The following KIRREL3 variants were observed in gnomAD, a reference collection of about 807,000 sequenced individuals.
KIRREL3 encodes kirre like nephrin family adhesion molecule 3.
In KIRREL3, 36 loss-of-function variants were observed where a neutral mutation model predicts 89.7. The ratio of observed to expected loss-of-function variants is 0.40; its 90% CI spans 0.31 to 0.53. KIRREL3 has a LOEUF of 0.53. Among genes scored for constraint, KIRREL3 ranks in the 20% least tolerant of loss-of-function variants. The pLI, the probability that KIRREL3 is intolerant of heterozygous loss-of-function variation, is 0.49. For missense variants in KIRREL3, 864 were observed against 1,056.6 expected, an observed-to-expected ratio of 0.82 and a Z score of 2.53; for synonymous variants, 445 against 441.4, an observed-to-expected ratio of 1.01 and a Z score of -0.10.
intron 1 of KIRREL3, among the ~76,000 whole-genome samples, chr11:126,927,578 T>C (rs1019874261): frequency 6.6e-6 from 1 of 152,212 alleles, no homozygotes; most frequent in Non-Finnish European, 1.5e-5. Context: ...TTACAGAAAA[T>C]GCGGACATTA....
chr11:126,697,952 G>A lies in KIRREL3; in HGVS notation c.56-135040C>T, dbSNP rs1367186990. ...CCAGGGAGGCTCAGAGACTGAGCAA[G>A]TGCCAAGAAGGGAAGATGACAACGC... is the stretch of plus-strand genomic sequence containing the variant. On this transcript the variant is annotated intron_variant, in intron 1 of 16. Coordinates refer to ENST00000525144, the MANE Select transcript of KIRREL3 (RefSeq NM_032531.4). The surrounding 1 kb of genome is among the most constrained non-coding windows in gnomAD (Gnocchi z 4.2). 6.6e-6 allele frequency among the ~76,000 whole-genome samples: 1 copy of A among 152,220 alleles called. No homozygotes were observed. Among genetic ancestry groups the A allele is most frequent in the Non-Finnish European group, 1.5e-5 (1 of 68,042 alleles).
chr11:126,804,545 G>T (rs575826600), intron 1 of KIRREL3, among the ~76,000 whole-genome samples: 1 of 152,136 alleles, frequency 6.6e-6, no homozygotes, highest in African/African-American at 2.4e-5. Flanking sequence ...TGAGTCCTCC[G>T]CTGAACTTCA....
chr11:126,649,721 T>TACA (rs1944834562), intron 1 of KIRREL3, among the ~76,000 whole-genome samples: 1 of 152,204 alleles, frequency 6.6e-6, no homozygotes, highest in African/African-American at 2.4e-5. Context: ...ATTGAGTGTC[T>TACA]GCGGCTCTTC....
At position 126,805,385 on chromosome 11, in the gene KIRREL3, C is replaced by T. The variant is rs890778409; in HGVS notation, c.55+195070G>A. Among the ~76,000 whole-genome samples, 8 of 152,132 alleles carry T rather than the reference C, an allele frequency of 5.3e-5. No homozygotes were observed. Among genetic ancestry groups the T allele is most frequent in the Non-Finnish European group, 1.0e-4 (7 of 68,016 alleles). ...ATACTGGGTGGAGGAGATTTAATTA[C>T]TCAGATGCTCTTATGCTCCTCAAAG... On this transcript the variant is annotated intron_variant, in intron 1 of 16. Transcript: ENST00000525144. The surrounding 1 kb of genome is among the most constrained non-coding windows in gnomAD (Gnocchi z 4.3).
chr11:126,984,229 A>G (rs1301226307), intron 1 of KIRREL3, among the ~76,000 whole-genome samples: 3 of 152,210 alleles, frequency 2.0e-5, no homozygotes, highest in African/African-American at 4.8e-5. Flanking sequence ...ACAAAAAGGT[A>G]TTCTCTCTGG....
Position 126,834,025 on chromosome 11 carries a change from T to C in KIRREL3, c.55+166430A>G, listed in dbSNP as rs577812521. Among the ~76,000 whole-genome samples the C allele has an allele frequency of 9.0e-4, 137 of 152,344 alleles. 2 individuals carry two copies. The highest frequency in any genetic ancestry group is 3.0e-3 in the African/African-American group (125 of 41,576). ...AAATGCATTGACCCAAATGTACCAG[T>C]GCTTGGGAGAAAGTTTGTCTTCTAT... On this transcript the variant is annotated intron_variant, in intron 1 of 16. Coordinates refer to ENST00000525144, the MANE Select transcript of KIRREL3 (RefSeq NM_032531.4).
chr11:126,759,189 G>A (rs1949596055), intron 1 of KIRREL3, among the ~76,000 whole-genome samples: 1 of 152,160 alleles, frequency 6.6e-6, no homozygotes, highest in Non-Finnish European at 1.5e-5. Context: ...GCGGCTCATG[G>A]TGCGATCTCG....
At chr11:126,887,786 T>C (rs1235415778) in intron 1 of KIRREL3, among the ~76,000 whole-genome samples, 2 of 152,244 alleles carry the variant, frequency 1.3e-5, no homozygotes, top group Non-Finnish European at 2.9e-5. Flanking sequence ...CCAATGTAAG[T>C]ATTACTTTTC....
intron 1 of KIRREL3, among the ~76,000 whole-genome samples, chr11:126,702,356 A>G (rs776683266): frequency 2.6e-5 from 4 of 152,214 alleles, no homozygotes; most frequent in African/African-American, 9.7e-5. Flanking sequence ...CCACAAATCT[A>G]TGACATCATG....
rs562219486 is a variant in KIRREL3, at chr11:126,800,434, G to T, written c.55+200021C>A. On this transcript the variant is annotated intron_variant, in intron 1 of 16. Coordinates refer to ENST00000525144, the MANE Select transcript of KIRREL3 (RefSeq NM_032531.4). ...CTTGAAGACTGGAGGCTACAGAAAC[G>T]GTCTCATTAGGGCATTAGCATAAGT... Among the ~76,000 whole-genome samples the T allele has an allele frequency of 2.4e-4, 37 of 152,240 alleles. 1 individual carries two copies. In the South Asian group the frequency reaches 7.0e-3, roughly 29 times the overall value.
Position 126,812,789 on chromosome 11 carries a change from A to G in KIRREL3, c.55+187666T>C, listed in dbSNP as rs1261195288. 3.9e-5 allele frequency among the ~76,000 whole-genome samples: 6 copies of G among 152,204 alleles called. No homozygotes were observed. Among genetic ancestry groups the G allele is most frequent in the African/African-American group, 9.7e-5 (4 of 41,450 alleles). ...CAATGCATTTCAATCAACTTCTACA[A>G]TGATCCAATTTCTGGGTCTGGCTCT... On this transcript the variant is annotated intron_variant, in intron 1 of 16. Transcript: ENST00000525144. The surrounding 1 kb of genome is among the most constrained non-coding windows in gnomAD (Gnocchi z 5.2).
At chr11:126,672,369 A>G (rs1425202234) in intron 1 of KIRREL3, among the ~76,000 whole-genome samples, 3 of 152,212 alleles carry the variant, frequency 2.0e-5, no homozygotes, top group Non-Finnish European at 4.4e-5. Flanking sequence ...AAGTTGTTAT[A>G]AATCCATATA....
In KIRREL3 at chr11:126,441,561, C is replaced by T. The variant is rs1243090981; in HGVS notation, c.1253-1012G>A. Among the ~76,000 whole-genome samples, 1 of 152,196 alleles carries T rather than the reference C, an allele frequency of 6.6e-6. No homozygotes were observed. Among genetic ancestry groups the T allele is most frequent in the East Asian group, 1.9e-4 (1 of 5,200 alleles). ...ATGCTCCCTTTCCAATCCCTGGGGT[C>T]ACAGTTGGGACTTAGATGGCAGATA... On this transcript the variant is annotated intron_variant, in intron 10 of 16. Coordinates refer to ENST00000525144, the MANE Select transcript of KIRREL3 (RefSeq NM_032531.4). This position sits in a 1 kb window ranked among gnomAD's most constrained non-coding sequence, Gnocchi z 5.0.
chr11:126,584,203 A>C (rs1461146643), intron 1 of KIRREL3, among the ~76,000 whole-genome samples: 1 of 152,264 alleles, frequency 6.6e-6, no homozygotes, highest in East Asian at 1.9e-4. Flanking sequence ...TTGAGAAGGA[A>C]AACAGACATC....
intron 13 of KIRREL3, among the ~76,000 whole-genome samples, chr11:126,434,565 G>A (rs1169649539): frequency 1.3e-5 from 2 of 152,244 alleles, no homozygotes; most frequent in African/African-American, 2.4e-5. Context: ...TGTGGCAGGA[G>A]GCCTGGGATG....
chr11:126,669,194 T>A lies in KIRREL3; in HGVS notation c.56-106282A>T, dbSNP rs767611190. ...TTCATCTTGTTTGTTATGGCAAGAA[T>A]TCCCTTTAGTGACTAGTGTTGGGAG... On this transcript the variant is annotated intron_variant, in intron 1 of 16. Transcript: ENST00000525144. The surrounding 1 kb of genome is among the most constrained non-coding windows in gnomAD (Gnocchi z 5.0). Among the ~76,000 whole-genome samples the A allele has an allele frequency of 1.3e-5, 2 of 152,206 alleles. No homozygotes were observed. Among genetic ancestry groups the A allele is most frequent in the Non-Finnish European group, 2.9e-5 (2 of 68,040 alleles).
intron 1 of KIRREL3, among the ~76,000 whole-genome samples, chr11:126,637,104 C>T (rs942486099): frequency 1.3e-5 from 2 of 152,166 alleles, no homozygotes; most frequent in Non-Finnish European, 2.9e-5. Flanking sequence ...CAGCCCCTCC[C>T]TACTCCCCTA....
At position 126,985,207 on chromosome 11, in the gene KIRREL3, A is replaced by C. The variant is rs548632713; in HGVS notation, c.55+15248T>G. On this transcript the variant is annotated intron_variant, in intron 1 of 16. Coordinates refer to ENST00000525144, the MANE Select transcript of KIRREL3 (RefSeq NM_032531.4). This position sits in a 1 kb window ranked among gnomAD's most constrained non-coding sequence, Gnocchi z 5.3. ...TGATGAAACACTTTCATGGGTTTGCAAGTGAAATGCTGGGCACGGAAAGGT... is the reference window on the plus strand; with the variant it reads ...TGATGAAACACTTTCATGGGTTTGCCAGTGAAATGCTGGGCACGGAAAGGT... Among the ~76,000 whole-genome samples the C allele has an allele frequency of 5.9e-5, 9 of 152,328 alleles. No homozygotes were observed. The South Asian group carries it at 1.7e-3, about 28-fold the overall frequency.
At position 126,664,913 on chromosome 11, in the gene KIRREL3, C is replaced by T. The variant is rs139258698; in HGVS notation, c.56-102001G>A. Among the ~76,000 whole-genome samples the T allele has an allele frequency of 3.3e-5, 5 of 152,272 alleles. No individual in the cohort carries two copies. The highest frequency in any genetic ancestry group is 9.6e-5 in the African/African-American group (4 of 41,542). On this transcript the variant is annotated intron_variant, in intron 1 of 16. Coordinates refer to ENST00000525144, the MANE Select transcript of KIRREL3 (RefSeq NM_032531.4). The surrounding 1 kb of genome is among the most constrained non-coding windows in gnomAD (Gnocchi z 5.4). The stretch of plus-strand genomic sequence containing the variant: ...TACAGTGTCCAGAGTGAAACCTGTC[C>T]CCTCCAGGCAGAATGAACTGTGCTC...
Sources: gnomAD v4.1 joint callset for allele counts (sites outside exome capture counted in the v4.1 genomes callset) on GRCh38, gnomAD v4.1.1 for gene constraint, Gnocchi (gnomAD v3.1) non-coding constraint, MANE v1.5 for transcripts, NCBI Gene and HGNC (gene_info 2026-07-23, HGNC 2026-07-21) for gene names.